Variants in BTBD9 observed in about 807,000 individuals in gnomAD.
The protein encoded by BTBD9 is BTB domain containing 9.
BTBD9 carries 49 observed loss-of-function variants against 64.3 expected under a neutral mutation model. That is an observed-to-expected ratio of 0.76 (90% CI 0.61 to 0.97). The LOEUF (loss-of-function observed/expected upper bound fraction) is 0.97. Among genes scored for constraint, BTBD9 ranks in the 50% least tolerant of loss-of-function variants. The pLI, the probability that BTBD9 is intolerant of heterozygous loss-of-function variation, is 0.00. For missense variants in BTBD9, 598 were observed against 762.1 expected (o/e 0.78, Z 2.53); for synonymous variants, 260 against 274.7 (o/e 0.95, Z 0.53).
chr6:38,193,362 G>C (rs1191210376), intron 9 of BTBD9, among the ~76,000 whole-genome samples: 1 of 152,122 alleles, frequency 6.6e-6, no homozygotes, highest in Non-Finnish European at 1.5e-5. Flanking sequence ...TGGCACATGG[G>C]GGTTGTGGCA....
In BTBD9 at chr6:38,271,954, A is replaced by G. The variant is rs1304157760; in HGVS notation, c.1455-15438T>C. On this transcript the variant is annotated intron_variant, in intron 8 of 10. Coordinates refer to ENST00000481247, the MANE Select transcript of BTBD9 (RefSeq NM_001099272.2). ...CCTAAATTTCTGGTATTTCTCCTAA[A>G]AGAACTACAAAGAAAATGTGGGGGG... 2.0e-5 allele frequency among the ~76,000 whole-genome samples: 3 copies of G among 151,350 alleles called. No individual in the cohort carries two copies. The East Asian group carries it at 5.9e-4, about 30-fold the overall frequency.
chr6:38,377,838 T>A (rs1052321187), intron 6 of BTBD9, among the ~76,000 whole-genome samples: 1 of 152,212 alleles, frequency 6.6e-6, no homozygotes, highest in Non-Finnish European at 1.5e-5. Context: ...AATACAGGAA[T>A]TGTTATATAA....
chr6:38,365,346 T>C (rs1035106777), intron 6 of BTBD9, among the ~76,000 whole-genome samples: 14 of 152,144 alleles, frequency 9.2e-5, no homozygotes, highest in African/African-American at 3.4e-4. Flanking sequence ...ACAGCAAGGC[T>C]GTATTTCAGA....
At chr6:38,372,924 T>C (rs1348101745) in intron 6 of BTBD9, among the ~76,000 whole-genome samples, 1 of 152,226 alleles carries the variant, frequency 6.6e-6, no homozygotes, top group Non-Finnish European at 1.5e-5. Flanking sequence ...TGCTTCTCCA[T>C]GTTTTTCTCC....
intron 7 of BTBD9, among the ~76,000 whole-genome samples, chr6:38,314,683 T>C (rs567457662): frequency 1.3e-4 from 20 of 152,240 alleles, no homozygotes; most frequent in African/African-American, 4.6e-4. Context: ...TCTGTTCAGG[T>C]TTTGGATTTC....
chr6:38,552,159 T>C (rs978425435), intron 6 of BTBD9, among the ~76,000 whole-genome samples: 2 of 152,164 alleles, frequency 1.3e-5, no homozygotes, highest in African/African-American at 2.4e-5. Context: ...TGGCTTAGGA[T>C]CAAGATGCAA....
chr6:38,378,655 C>T (rs1311901993), intron 6 of BTBD9, among the ~76,000 whole-genome samples: 5 of 151,696 alleles, frequency 3.3e-5, no homozygotes, highest in Admixed American at 2.6e-4. Context: ...AGGTAGACCG[C>T]TTGAGGTCAG....
chr6:38,398,401 T>C (rs73730954), intron 6 of BTBD9, among the ~76,000 whole-genome samples: 2,184 of 152,252 alleles, frequency 0.014, 57 homozygotes, highest in African/African-American at 0.05. Context: ...GCCTGAATGT[T>C]AGGAATATAA....
intron 6 of BTBD9, among the ~76,000 whole-genome samples, chr6:38,410,750 G>A (rs775202508): frequency 9.3e-5 from 14 of 150,708 alleles, no homozygotes; most frequent in African/African-American, 2.2e-4. Context: ...CACGAGGGCC[G>A]GGTACAGTGG....
At chr6:38,380,965 C>T (rs1204345153) in intron 6 of BTBD9, among the ~76,000 whole-genome samples, 1 of 151,588 alleles carries the variant, frequency 6.6e-6, no homozygotes, top group Non-Finnish European at 1.5e-5. Context: ...AGTATAACCA[C>T]TAAAATAGGA....
chr6:38,293,099 T>C (rs1762022974), intron 7 of BTBD9, among the ~76,000 whole-genome samples: 1 of 152,162 alleles, frequency 6.6e-6, no homozygotes, highest in Non-Finnish European at 1.5e-5. Context: ...TCAGGAGCAG[T>C]TGTTCAGTTT....
At chr6:38,442,277 G>A (rs141943967) in intron 6 of BTBD9, among the ~76,000 whole-genome samples, 9,451 of 151,932 alleles carry the variant, frequency 0.062, 556 homozygotes, top group African/African-American at 0.14. Context: ...CACGAGGTCA[G>A]GAGTTCGACA....
intron 7 of BTBD9, among the ~76,000 whole-genome samples, chr6:38,312,494 G>C (rs555638871): frequency 2.6e-5 from 4 of 152,284 alleles, no homozygotes; most frequent in Non-Finnish European, 5.9e-5. Flanking sequence ...CAATGGCCTG[G>C]AGAGTTCTTT....
intron 1 of BTBD9, among the ~76,000 whole-genome samples, chr6:38,626,020 A>G (rs1172223936): frequency 6.6e-6 from 1 of 152,168 alleles, no homozygotes; most frequent in African/African-American, 2.4e-5. Flanking sequence ...CCCAACTCTC[A>G]TAAGTTAAGT....
chr6:38,439,110 C>CTTTTTTTTTTTTTTTTTTTTTTT (rs35699356), intron 6 of BTBD9, among the ~76,000 whole-genome samples: 3 of 64,050 alleles, frequency 4.7e-5, no homozygotes, highest in African/African-American at 2.1e-4. Flanking sequence ...TAGCAACTGA[C>CTTTTTTTTTTTTTTTTTTTTTTT]TTTTTTTTTT....
At chr6:38,409,973 CAATTCTGT>C (rs1767338572) in intron 6 of BTBD9, among the ~76,000 whole-genome samples, 1 of 152,006 alleles carries the variant, frequency 6.6e-6, no homozygotes, top group Non-Finnish European at 1.5e-5. Context: ...AGCATGAACC[CAATTCTGT>C]AATCATTTTC....
chr6:38,399,345 T>C (rs1368197343), intron 6 of BTBD9, among the ~76,000 whole-genome samples: 1 of 152,144 alleles, frequency 6.6e-6, no homozygotes, highest in African/African-American at 2.4e-5. Flanking sequence ...TATAATCACA[T>C]GAAAGGCAAC....
intron 6 of BTBD9, among the ~76,000 whole-genome samples, chr6:38,519,506 G>A (rs1373378277): frequency 1.3e-5 from 2 of 152,116 alleles, no homozygotes; most frequent in African/African-American, 2.4e-5. Context: ...ATATATCCTT[G>A]TACTGTAAAG....
At chr6:38,393,325 G>A (rs1319417664) in intron 6 of BTBD9, among the ~76,000 whole-genome samples, 1 of 152,198 alleles carries the variant, frequency 6.6e-6, no homozygotes, top group East Asian at 1.9e-4. Context: ...AGGAGGCAGG[G>A]CCAACATTGT....
Sources: allele counts gnomAD v4.1 joint callset (sites outside exome capture counted in the v4.1 genomes callset), GRCh38; gene constraint gnomAD v4.1.1; transcripts MANE v1.5; gene names NCBI Gene and HGNC (gene_info 2026-07-23, HGNC 2026-07-21).